The following CRACD variants were observed in gnomAD, a reference collection of about 807,000 sequenced individuals.
CRACD encodes the protein capping protein-inhibiting regulator of actin dynamics.
Under a neutral mutation model 106.8 loss-of-function variants are expected in CRACD, and 56 were observed. The observed-to-expected ratio is 0.52, with a 90% CI of 0.42 to 0.66. The LOEUF (loss-of-function observed/expected upper bound fraction) is 0.66, where lower values mean the gene tolerates loss of function less well. Among genes scored for constraint, CRACD ranks in the 30% least tolerant of loss-of-function variants. The pLI is 0.00. For synonymous variants in CRACD, 754 were observed against 670.8 expected, an observed-to-expected ratio of 1.12 and a Z score of -1.92; for missense variants, 1,730 against 1,623.2, an observed-to-expected ratio of 1.07 and a Z score of -1.13.
chr4:56,060,487 C>A (rs974520941), intron 1 of CRACD, among the ~76,000 whole-genome samples: 9 of 151,724 alleles, frequency 5.9e-5, no homozygotes, highest in Admixed American at 2.6e-4. Flanking sequence ...CAGATGGAGG[C>A]AGGGTGGAAA....
intron 3 of CRACD, among the ~76,000 whole-genome samples, chr4:56,294,694 A>C (rs971799388): frequency 6.6e-6 from 1 of 152,148 alleles, no homozygotes; most frequent in Non-Finnish European, 1.5e-5. Flanking sequence ...TGGGCTGATC[A>C]CTTGAGGCCA....
chr4:56,233,330 C>T (rs1739756099), intron 2 of CRACD, among the ~76,000 whole-genome samples: 2 of 152,088 alleles, frequency 1.3e-5, no homozygotes, highest in African/African-American at 4.8e-5. Context: ...CCAGGCTGAA[C>T]ACCTGGGCTC....
intron 1 of CRACD, among the ~76,000 whole-genome samples, chr4:56,097,738 G>T (rs975743345): frequency 3.3e-5 from 5 of 152,160 alleles, no homozygotes; most frequent in African/African-American, 1.2e-4. Context: ...TGGCATGTAG[G>T]TCCAATGGGA....
Position 56,302,077 on chromosome 4 carries a change from G to T in CRACD, c.120+3728G>T, listed in dbSNP as rs144754490. 4.7e-3 allele frequency among the ~76,000 whole-genome samples: 714 copies of T among 152,232 alleles called. 4 individuals are homozygous for T. Among genetic ancestry groups the T allele is most frequent in the Non-Finnish European group, 8.0e-3 (547 of 68,020 alleles). The stretch of plus-strand genomic sequence containing the variant: ...GCCCCACCTGGCTGTATGGCTTTGG[G>T]TGAAGTCGTTCAACCTCTCTGGCAC... On this transcript the variant is annotated intron_variant, in intron 4 of 10. Coordinates refer to ENST00000682029, the MANE Select transcript of CRACD (RefSeq NM_001393381.1).
chr4:56,207,744 TCA>T (rs1738197250), intron 2 of CRACD, among the ~76,000 whole-genome samples: 1 of 71,152 alleles, frequency 1.4e-5, no homozygotes, highest in Non-Finnish European at 2.5e-5. Flanking sequence ...ACTTGTTTTC[TCA>T]TATATATATA....
intron 3 of CRACD, among the ~76,000 whole-genome samples, chr4:56,278,844 G>A (rs1032912877): frequency 8.6e-5 from 13 of 151,994 alleles, no homozygotes; most frequent in East Asian, 1.9e-4. Flanking sequence ...AATAGACATC[G>A]CTCCACAAAA....
intron 1 of CRACD, among the ~76,000 whole-genome samples, chr4:56,086,784 C>G (rs530151995): frequency 2.0e-5 from 3 of 152,246 alleles, no homozygotes; most frequent in Admixed American, 1.3e-4. Context: ...AGCCTGGCCC[C>G]CATCAATGCC....
chr4:56,061,710 A>T (rs1732285115), intron 1 of CRACD, among the ~76,000 whole-genome samples: 1 of 152,230 alleles, frequency 6.6e-6, no homozygotes, highest in South Asian at 2.1e-4. Flanking sequence ...GATGAGTGCT[A>T]TAAAGCAAGT....
In CRACD at chr4:56,172,020, C is replaced by CT. The variant is rs35574683; in HGVS notation, c.-335-7249dup. Among the ~76,000 whole-genome samples, 176 of 106,360 alleles carry CT rather than the reference C, an allele frequency of 1.7e-3. 5 individuals carry two copies. Among genetic ancestry groups the CT allele is most frequent in the Middle Eastern group, 6.0e-3 (1 of 166 alleles). The allele number at this position is 106,360 out of a possible 152,430, so 69.8% of individuals were successfully genotyped here. A position where few individuals can be genotyped will look rare whatever the true frequency, so the allele number is the denominator to read the frequency against. On this transcript the variant is annotated intron_variant, in intron 1 of 10. Transcript: ENST00000682029. ...GTGGAGGTATCTTTTGAGGGTTTCT[C>CT]TTTTTTTTTTTTTTTCAACTTTACA... is the stretch of plus-strand genomic sequence containing the variant.
intron 2 of CRACD, among the ~76,000 whole-genome samples, chr4:56,187,013 G>A (rs1394396607): frequency 6.6e-6 from 1 of 151,540 alleles, no homozygotes; most frequent in Non-Finnish European, 1.5e-5. Context: ...AGCCTGCAGT[G>A]AGCCATGATC....
chr4:56,191,895 A>G (rs998554018), intron 2 of CRACD, among the ~76,000 whole-genome samples: 1 of 152,162 alleles, frequency 6.6e-6, no homozygotes. Flanking sequence ...TTGTACATGA[A>G]TCTGCTTAAA....
At chr4:56,075,307 G>C (rs569377593) in intron 1 of CRACD, among the ~76,000 whole-genome samples, 3 of 152,092 alleles carry the variant, frequency 2.0e-5, no homozygotes, top group Non-Finnish European at 4.4e-5. Flanking sequence ...CCGTGAATCC[G>C]TCTGGACCTG....
At chr4:56,098,632 G>A (rs1351353829) in intron 1 of CRACD, among the ~76,000 whole-genome samples, 1 of 152,136 alleles carries the variant, frequency 6.6e-6, no homozygotes. Context: ...AGTGCCAACA[G>A]GATAATTCCC....
chr4:56,155,657 G>T (rs1172900520), intron 1 of CRACD, among the ~76,000 whole-genome samples: 1 of 152,190 alleles, frequency 6.6e-6, no homozygotes, highest in East Asian at 1.9e-4. Context: ...ACGCTGTCTA[G>T]CTCCTGGGCC....
chr4:56,065,803 A>G (rs1291826165), intron 1 of CRACD, among the ~76,000 whole-genome samples: 1 of 152,142 alleles, frequency 6.6e-6, no homozygotes, highest in Non-Finnish European at 1.5e-5. Flanking sequence ...ATTATCCCAA[A>G]CTGAAACTCT....
chr4:56,097,015 T>G (rs1733620031), intron 1 of CRACD, among the ~76,000 whole-genome samples: 1 of 151,918 alleles, frequency 6.6e-6, no homozygotes, highest in South Asian at 2.1e-4. Flanking sequence ...TGTAGAAGAA[T>G]TGGGTAGAAT....
intron 1 of CRACD, among the ~76,000 whole-genome samples, chr4:56,114,195 C>T (rs1420500795): frequency 6.6e-6 from 1 of 151,050 alleles, no homozygotes; most frequent in East Asian, 2.0e-4. Context: ...CTTGTAGGCC[C>T]GGTTCTTACG....
In CRACD at chr4:56,314,183, C is replaced by T. The variant is rs548010789; in HGVS notation, c.681C>T (p.Tyr227=). The T allele has an allele frequency of 1.2e-6, 2 of 1,612,828 alleles. No individual in the cohort carries two copies. Among genetic ancestry groups the T allele is most frequent in the Admixed American group, 1.7e-5 (1 of 59,664 alleles). ...SEEERRRQED[Y]WRELEAKCKR... The stretch of plus-strand genomic sequence containing the variant: ...AAGAGAGAAGACGCCAAGAAGACTA[C>T]TGGCGAGAACTGGAGGCCAAGTGCA... The change falls in exon 8 of 11, where the codon TAC becomes TAT. Residue 227 remains tyrosine, a synonymous_variant. Coordinates refer to ENST00000682029, the MANE Select transcript of CRACD (RefSeq NM_001393381.1). This position sits in a 1 kb window ranked among gnomAD's most constrained non-coding sequence, Gnocchi z 4.4.
At chr4:56,297,018 C>T (rs1478303188) in intron 3 of CRACD, among the ~76,000 whole-genome samples, 3 of 151,630 alleles carry the variant, frequency 2.0e-5, no homozygotes, top group African/African-American at 4.9e-5. Context: ...CTCCCGGGTT[C>T]AAGCGATTCT....
Sources: allele counts gnomAD v4.1 joint callset (sites outside exome capture counted in the v4.1 genomes callset), GRCh38; gene constraint gnomAD v4.1.1; non-coding constraint Gnocchi (gnomAD v3.1); transcripts MANE v1.5; gene names NCBI Gene and HGNC (gene_info 2026-07-23, HGNC 2026-07-21).